The following SLC12A8 variants were observed in gnomAD, a reference collection of about 807,000 sequenced individuals.
SLC12A8 encodes the protein cation-chloride cotransporter 9.
In SLC12A8, 69 loss-of-function variants were observed where a neutral mutation model predicts 75.6. The ratio of observed to expected loss-of-function variants is 0.91; its 90% CI spans 0.75 to 1.11. SLC12A8 has a LOEUF of 1.11. Among genes scored for constraint, SLC12A8 ranks in the 50% most tolerant of loss-of-function variants. The pLI, the probability that SLC12A8 is intolerant of heterozygous loss-of-function variation, is 0.00. For missense variants in SLC12A8, 877 were observed against 896.7 expected (o/e 0.98, Z 0.28); for synonymous variants, 365 against 372.8 (o/e 0.98, Z 0.24).
At chr3:125,173,024 C>A (rs6810352) in intron 5 of SLC12A8, among the ~76,000 whole-genome samples, 49,730 of 151,930 alleles carry the variant, frequency 0.33, 8,505 homozygotes, top group Middle Eastern at 0.45. Context: ...ACCAAAAATA[C>A]AAAAATTAGC....
chr3:125,097,388 CAA>C (rs60567364), intron 10 of SLC12A8, among the ~76,000 whole-genome samples: 1 of 138,704 alleles, frequency 7.2e-6, no homozygotes. Flanking sequence ...GACTCTGTCT[CAA>C]AAAAAAAAAA....
rs571706296 is a variant in SLC12A8 at position 125,198,985 on chromosome 3, A to G, written c.52-8464T>C. Among the ~76,000 whole-genome samples the G allele has an allele frequency of 1.5e-4, 23 of 152,064 alleles. No individual in the cohort carries two copies. The East Asian group carries it at 1.8e-3, about 12-fold the overall frequency. On this transcript the variant is annotated intron_variant, in intron 2 of 13. Transcript: ENST00000469902. ...AGTAGAGATGGGGTTTCACCGTGTT[A>G]GCCAGGATGGTCTCGATCTCCTGAC...
intron 10 of SLC12A8, among the ~76,000 whole-genome samples, chr3:125,099,517 C>G (rs1227123000): frequency 1.3e-5 from 2 of 152,034 alleles, no homozygotes; most frequent in Non-Finnish European, 2.9e-5. Flanking sequence ...CAGACAAAGA[C>G]TTCAAACTTC....
chr3:125,177,987 T>C lies in SLC12A8; in HGVS notation c.391-13A>G. On this transcript the variant is annotated splice_polypyrimidine_tract_variant and intron_variant, in intron 4 of 13. Coordinates refer to ENST00000469902, the MANE Select transcript of SLC12A8 (RefSeq NM_024628.6). Reference sequence around the variant, plus strand: ...CACCTGCAACACACTGACATGCGATTCCAGGTAGAAGAGTCAGCAGGACAG... The same window carrying C: ...CACCTGCAACACACTGACATGCGATCCCAGGTAGAAGAGTCAGCAGGACAG... 1 of 1,604,932 alleles carries C rather than the reference T, an allele frequency of 6.2e-7. No individual in the cohort carries two copies. The highest frequency in any genetic ancestry group is 1.1e-5 in the South Asian group (1 of 89,706).
intron 5 of SLC12A8, among the ~76,000 whole-genome samples, chr3:125,177,512 T>G (rs1009069293): frequency 5.3e-5 from 8 of 150,074 alleles, no homozygotes; most frequent in African/African-American, 2.0e-4. Context: ...AAAAAGAAAA[T>G]AAAAGGACAC....
intron 10 of SLC12A8, among the ~76,000 whole-genome samples, chr3:125,102,041 G>C (rs1251581971): frequency 1.3e-5 from 2 of 152,146 alleles, no homozygotes; most frequent in Non-Finnish European, 2.9e-5. Context: ...TAAACCTAAA[G>C]ACAAATGTGT....
intron 4 of SLC12A8, among the ~76,000 whole-genome samples, chr3:125,186,133 T>C (rs1934776915): frequency 6.7e-6 from 1 of 149,368 alleles, no homozygotes; most frequent in Admixed American, 6.7e-5. Context: ...CCTGGTTGGC[T>C]ATAAAATAGC....
At chr3:125,137,708 G>A (rs1226378645) in intron 5 of SLC12A8, among the ~76,000 whole-genome samples, 1 of 152,232 alleles carries the variant, frequency 6.6e-6, no homozygotes, top group Non-Finnish European at 1.5e-5. Context: ...GCTTTGCCCT[G>A]GCCAGCCTGA....
chr3:125,160,279 G>A (rs1245268327), intron 5 of SLC12A8, among the ~76,000 whole-genome samples: 1 of 152,164 alleles, frequency 6.6e-6, no homozygotes, highest in Non-Finnish European at 1.5e-5. Context: ...GGTAGGTGAG[G>A]TACTCACCTC....
At position 125,162,639 on chromosome 3, in the gene SLC12A8, T is replaced by C. The variant is rs370764412; in HGVS notation, c.622+15104A>G. Among the ~76,000 whole-genome samples the C allele has an allele frequency of 1.2e-4, 19 of 152,346 alleles. No individual in the cohort carries two copies. In the East Asian group the frequency reaches 2.7e-3, roughly 22 times the overall value. On this transcript the variant is annotated intron_variant, in intron 5 of 13. Transcript: ENST00000469902. ...CCAAGTGGCAGGCGGGACATGGTAATTGGCCTATGTTGCGCTTGGACCTAG... is the reference window on the plus strand; with the variant it reads ...CCAAGTGGCAGGCGGGACATGGTAACTGGCCTATGTTGCGCTTGGACCTAG...
At chr3:125,147,948 C>T (rs527304168) in intron 5 of SLC12A8, among the ~76,000 whole-genome samples, 1 of 152,300 alleles carries the variant, frequency 6.6e-6, no homozygotes, top group East Asian at 1.9e-4. Flanking sequence ...TTGTGCCAGG[C>T]ATGACACTAG....
chr3:125,174,986 C>T (rs1579524247), intron 5 of SLC12A8, among the ~76,000 whole-genome samples: 1 of 152,260 alleles, frequency 6.6e-6, no homozygotes, highest in East Asian at 1.9e-4. Flanking sequence ...TCATCACTTC[C>T]AGTAAATGTA....
intron 2 of SLC12A8, among the ~76,000 whole-genome samples, chr3:125,198,119 A>C: frequency 6.6e-6 from 1 of 152,222 alleles, no homozygotes; most frequent in South Asian, 2.1e-4. Flanking sequence ...CCTGCCAAAA[A>C]TAGAAAACCT....
intron 12 of SLC12A8, among the ~76,000 whole-genome samples, chr3:125,090,516 T>G (rs1468875574): frequency 1.3e-5 from 2 of 152,230 alleles, no homozygotes; most frequent in African/African-American, 4.8e-5. Context: ...AAGGAGGTAT[T>G]GAAATCTCTG....
At chr3:125,110,882 G>A (rs1434372775) in intron 8 of SLC12A8, among the ~76,000 whole-genome samples, 1 of 152,036 alleles carries the variant, frequency 6.6e-6, no homozygotes, top group Non-Finnish European at 1.5e-5. Context: ...GACATATAAG[G>A]CTCTTCATGG....
Position 125,092,281 on chromosome 3 carries a change from T to C in SLC12A8, c.1706-83A>G, listed in dbSNP as rs147427959. Reference sequence around the variant, plus strand: ...AGGAAAATATACCTATGAGCTCCTCTTCCCCAATTTTGTAACTTAGCCTAA... The same window carrying C: ...AGGAAAATATACCTATGAGCTCCTCCTCCCCAATTTTGTAACTTAGCCTAA... On this transcript the variant is annotated intron_variant, in intron 10 of 13. Transcript: ENST00000469902. 152 of 875,690 alleles carry C rather than the reference T, an allele frequency of 1.7e-4. No homozygotes were observed. In the African/African-American group the frequency reaches 2.1e-3, roughly 12 times the overall value. The allele number at this position is 875,690 out of a possible 1,614,324, so 54.2% of individuals were successfully genotyped here.
chr3:125,196,820 A>G (rs539876587), intron 2 of SLC12A8, among the ~76,000 whole-genome samples: 28 of 152,164 alleles, frequency 1.8e-4, no homozygotes, highest in Non-Finnish European at 3.7e-4. Context: ...TCCTAGCTAC[A>G]TAGGAGGCTG....
chr3:125,187,327 G>T lies in SLC12A8; in HGVS notation c.300C>A (p.Ser100Arg), dbSNP rs754682748. The T allele has an allele frequency of 3.1e-6, 5 of 1,614,114 alleles. No individual in the cohort carries two copies. In the African/African-American group the frequency reaches 6.7e-5, roughly 22 times the overall value. ...LSGIGVGERS[S>R]IGSGGVYSMI... The stretch of plus-strand genomic sequence containing the variant: ...TGGAGTAGACGCCACCGCTGCCGAT[G>T]CTGCTGCGCTCCCCGACGCCAATGC... Residue 100 changes from serine to arginine, a missense_variant, in exon 4 of 14, where the codon AGC becomes AGA. Coordinates refer to ENST00000469902, the MANE Select transcript of SLC12A8 (RefSeq NM_024628.6).
At chr3:125,138,217 A>G (rs1437278061) in intron 5 of SLC12A8, among the ~76,000 whole-genome samples, 3 of 151,986 alleles carry the variant, frequency 2.0e-5, no homozygotes, top group African/African-American at 7.3e-5. Context: ...GCCTGGCCAA[A>G]AGGTGAAACC....
Sources: allele counts gnomAD v4.1 joint callset (sites outside exome capture counted in the v4.1 genomes callset), GRCh38; gene constraint gnomAD v4.1.1; transcripts MANE v1.5; gene names NCBI Gene and HGNC (gene_info 2026-07-23, HGNC 2026-07-21).